The following PTPRG variants were observed in gnomAD, a reference collection of about 807,000 sequenced individuals.
The protein encoded by PTPRG is receptor-type tyrosine-protein phosphatase gamma.
PTPRG carries 102 observed loss-of-function variants against 165.3 expected under a neutral mutation model. The ratio of observed to expected loss-of-function variants is 0.62; its 90% CI spans 0.53 to 0.73. The LOEUF is 0.73. PTPRG is among the 30% of genes least tolerant of loss of function. The pLI is 0.00. For missense variants in PTPRG, 1,866 were observed against 1,861.4 expected, an observed-to-expected ratio of 1.00 and a Z score of -0.05; for synonymous variants, 675 against 669.5, an observed-to-expected ratio of 1.01 and a Z score of -0.13.
At chr3:61,794,111 A>G (rs1226285279) in intron 2 of PTPRG, among the ~76,000 whole-genome samples, 1 of 152,102 alleles carries the variant, frequency 6.6e-6, no homozygotes, top group Non-Finnish European at 1.5e-5. Context: ...TTGAGCACAG[A>G]AGGCCATTTT....
chr3:61,948,218 G>C (rs963613770), intron 2 of PTPRG, among the ~76,000 whole-genome samples: 1 of 152,064 alleles, frequency 6.6e-6, no homozygotes, highest in Non-Finnish European at 1.5e-5. Context: ...CCAGCTACTC[G>C]AGAGGCTGAG....
At chr3:61,735,842 T>C (rs1323920474) in intron 1 of PTPRG, among the ~76,000 whole-genome samples, 1 of 152,098 alleles carries the variant, frequency 6.6e-6, no homozygotes, top group African/African-American at 2.4e-5. Context: ...GGAAAAGTTC[T>C]TTTTAGAATT....
At chr3:61,779,484 A>G (rs1242640531) in intron 2 of PTPRG, among the ~76,000 whole-genome samples, 1 of 151,916 alleles carries the variant, frequency 6.6e-6, no homozygotes, top group African/African-American at 2.4e-5. Flanking sequence ...GACCCCGGGG[A>G]GATAGGGCTA....
intron 1 of PTPRG, among the ~76,000 whole-genome samples, chr3:61,630,486 C>T (rs1422621312): frequency 6.6e-6 from 1 of 152,016 alleles, no homozygotes; most frequent in East Asian, 1.9e-4. Context: ...ACTTTTTTCC[C>T]AAGTAAAAGA....
chr3:62,078,141 AT>A lies in PTPRG; in HGVS notation c.520-15del, dbSNP rs752072297. ...TTATGTTTGAAAATTTTCCTAATAC[AT>A]TTTTTTAATTGTTCTTACAGATGCA... On this transcript the variant is annotated intron_variant, in intron 4 of 29. Transcript: ENST00000474889. The A allele has an allele frequency of 2.0e-4, 302 of 1,511,030 alleles. No individual in the cohort carries two copies. The African/African-American group carries it at 3.6e-3, about 18-fold the overall frequency. 93.6% of individuals were successfully genotyped at this position (1,511,030 alleles called of 1,614,324 possible). A position where few individuals can be genotyped will look rare whatever the true frequency, so the allele number is the denominator to read the frequency against.
At chr3:61,651,077 A>G (rs1575563915) in intron 1 of PTPRG, among the ~76,000 whole-genome samples, 1 of 150,116 alleles carries the variant, frequency 6.7e-6, no homozygotes, top group African/African-American at 2.4e-5. Context: ...CATTGCCTAC[A>G]CTTCTAGAAC....
intron 6 of PTPRG, among the ~76,000 whole-genome samples, chr3:62,140,115 A>G: frequency 6.6e-6 from 1 of 152,162 alleles, no homozygotes; most frequent in Non-Finnish European, 1.5e-5. Flanking sequence ...CACCAGCCAC[A>G]CATTCACTGT....
chr3:61,658,611 AT>A (rs1702575559), intron 1 of PTPRG, among the ~76,000 whole-genome samples: 1 of 152,102 alleles, frequency 6.6e-6, no homozygotes, highest in Non-Finnish European at 1.5e-5. Flanking sequence ...TCTGTCATTT[AT>A]TCCCGAGATA....
At chr3:62,174,387 C>T (rs996795028) in intron 8 of PTPRG, among the ~76,000 whole-genome samples, 3 of 152,216 alleles carry the variant, frequency 2.0e-5, no homozygotes, top group African/African-American at 7.2e-5. Context: ...ACCGGGCTGC[C>T]TGCATACCCT....
intron 2 of PTPRG, among the ~76,000 whole-genome samples, chr3:61,889,355 A>G (rs558823550): frequency 3.3e-5 from 5 of 152,118 alleles, no homozygotes; most frequent in Non-Finnish European, 5.9e-5. Context: ...ATATATTACT[A>G]TTGTTATTTT....
intron 1 of PTPRG, among the ~76,000 whole-genome samples, chr3:61,719,802 T>C (rs1001323976): frequency 7.9e-5 from 12 of 152,170 alleles, no homozygotes; most frequent in African/African-American, 2.7e-4. Flanking sequence ...CCTGGACTTC[T>C]TGCTGTTCCT....
At chr3:61,676,658 A>C (rs1210017558) in intron 1 of PTPRG, among the ~76,000 whole-genome samples, 1 of 151,878 alleles carries the variant, frequency 6.6e-6, no homozygotes, top group Non-Finnish European at 1.5e-5. Flanking sequence ...TGACTCTTCC[A>C]AAGACATCTA....
chr3:62,183,402 A>G (rs1002062697), intron 8 of PTPRG, among the ~76,000 whole-genome samples: 5 of 152,110 alleles, frequency 3.3e-5, no homozygotes, highest in Non-Finnish European at 7.4e-5. Context: ...TGTCTCTACT[A>G]AAGATACCAA....
intron 7 of PTPRG, among the ~76,000 whole-genome samples, chr3:62,162,627 T>A (rs1342649111): frequency 6.6e-6 from 1 of 151,982 alleles, no homozygotes; most frequent in Admixed American, 6.6e-5. Flanking sequence ...CTATTCAGAG[T>A]GCAGAAGGAT....
intron 1 of PTPRG, among the ~76,000 whole-genome samples, chr3:61,597,141 C>T (rs1700721674): frequency 6.6e-6 from 1 of 152,150 alleles, no homozygotes; most frequent in Admixed American, 6.5e-5. Context: ...CCCACTCCCT[C>T]CTTAATGACA....
intron 1 of PTPRG, among the ~76,000 whole-genome samples, chr3:61,699,419 C>T (rs1033562161): frequency 6.6e-6 from 1 of 152,270 alleles, no homozygotes; most frequent in East Asian, 1.9e-4. Flanking sequence ...CTTGCACCTC[C>T]TGAAAGTATC....
rs1320440120 is a variant in PTPRG at position 62,210,362 on chromosome 3, C to G, written c.2155+6412C>G. ...GGCCAGTTTTGTGGCCCTGTAAAAA[C>G]AGCAGCCACCTTATCATTTCACACC... On this transcript the variant is annotated intron_variant, in intron 12 of 29. Coordinates refer to ENST00000474889, the MANE Select transcript of PTPRG (RefSeq NM_002841.4). This position sits in a 1 kb window ranked among gnomAD's most constrained non-coding sequence, Gnocchi z 4.1. 6.6e-6 allele frequency among the ~76,000 whole-genome samples: 1 copy of G among 152,172 alleles called. No homozygotes were observed. The highest frequency in any genetic ancestry group is 2.4e-5 in the African/African-American group (1 of 41,442).
At chr3:61,730,533 A>G (rs914029932) in intron 1 of PTPRG, among the ~76,000 whole-genome samples, 2 of 152,242 alleles carry the variant, frequency 1.3e-5, no homozygotes, top group South Asian at 2.1e-4. Context: ...AACCACTTGC[A>G]TCTGATCACA....
chr3:62,127,068 A>T (rs867826547), intron 5 of PTPRG, among the ~76,000 whole-genome samples: 7 of 152,246 alleles, frequency 4.6e-5, no homozygotes, highest in African/African-American at 1.7e-4. Context: ...TGTTTTCAAT[A>T]TAGCTCAGTG....
Sources: gnomAD v4.1 joint callset for allele counts (sites outside exome capture counted in the v4.1 genomes callset) on GRCh38, gnomAD v4.1.1 for gene constraint, Gnocchi (gnomAD v3.1) non-coding constraint, MANE v1.5 for transcripts, NCBI Gene and HGNC (gene_info 2026-07-23, HGNC 2026-07-21) for gene names.